Variants in GALNT11 observed in about 807,000 individuals in gnomAD.
The protein encoded by GALNT11 is UDP-GalNAc:polypeptide N-acetylgalactosaminyltransferase 11.
Under a neutral mutation model 72.7 loss-of-function variants are expected in GALNT11, and 47 were observed. The ratio of observed to expected loss-of-function variants is 0.65; its 90% CI spans 0.51 to 0.82. GALNT11 has a LOEUF of 0.82. GALNT11 is among the 40% of genes least tolerant of loss of function. The pLI, the probability that GALNT11 is intolerant of heterozygous loss-of-function variation, is 0.00. For synonymous variants in GALNT11, 270 were observed against 286.6 expected (o/e 0.94, Z 0.58); for missense variants, 677 against 778.4 (o/e 0.87, Z 1.55).
intron 1 of GALNT11, among the ~76,000 whole-genome samples, chr7:152,065,389 G>C (rs955488986): frequency 1.3e-5 from 2 of 152,052 alleles, no homozygotes; most frequent in Admixed American, 6.6e-5. Flanking sequence ...CGATGCATTC[G>C]AACTTCCTCC....
At chr7:152,105,431 G>A (rs562634096) in intron 5 of GALNT11, 61 bp downstream of exon 5, 37 of 1,567,412 alleles carry the variant, frequency 2.4e-5, no homozygotes, top group Middle Eastern at 3.4e-4. Context: ...GAGCCTCAGC[G>A]CCTGTCCTGA....
At chr7:152,065,928 T>C (rs2084281869) in intron 1 of GALNT11, among the ~76,000 whole-genome samples, 1 of 152,206 alleles carries the variant, frequency 6.6e-6, no homozygotes, top group Non-Finnish European at 1.5e-5. Context: ...TTCTCAGATC[T>C]TAAACTCTGT....
intron 10 of GALNT11, chr7:152,119,418 AGTG>A (rs1246690530): frequency 6.6e-6 from 1 of 150,788 alleles, no homozygotes; most frequent in Non-Finnish European, 1.5e-5. Flanking sequence ...TTTCTATTTT[AGTG>A]GTGGGTTGGT....
At chr7:152,027,970 C>T (rs1487628800) in intron 1 of GALNT11, among the ~76,000 whole-genome samples, 2 of 152,086 alleles carry the variant, frequency 1.3e-5, no homozygotes, top group Non-Finnish European at 2.9e-5. Context: ...TGTTACAGGT[C>T]TTAAAGGTGG....
intron 1 of GALNT11, among the ~76,000 whole-genome samples, chr7:152,060,624 C>T (rs1008783867): frequency 6.6e-6 from 1 of 151,890 alleles, no homozygotes; most frequent in South Asian, 2.1e-4. Flanking sequence ...ATCCCTCCCC[C>T]CCCTCCACCC....
At chr7:152,107,888 T>C (rs1587419686) in intron 5 of GALNT11, 150 bp from the exon 6 acceptor site, 2 of 806,312 alleles carry the variant, frequency 2.5e-6, no homozygotes, top group South Asian at 3.5e-5. Context: ...CCACCGGCAG[T>C]GAAGTGTAGT....
intron 8 of GALNT11, among the ~76,000 whole-genome samples, chr7:152,116,145 C>T (rs1367348615): frequency 6.6e-6 from 1 of 152,178 alleles, no homozygotes; most frequent in African/African-American, 2.4e-5. Context: ...TAGAACAGTA[C>T]AATCCAGTGG....
chr7:152,025,822 C>T lies in GALNT11; in HGVS notation c.-101C>T, dbSNP rs945582912. On this transcript the variant is annotated 5_prime_UTR_variant, in exon 1 of 12. Transcript: ENST00000430044. ...CCTGCGGGTCGGACTGGGGCTGTGGCGGGAGAGAAGATGCCGCAGCCCGAG... is the reference window on the plus strand; with the variant it reads ...CCTGCGGGTCGGACTGGGGCTGTGGTGGGAGAGAAGATGCCGCAGCCCGAG... The T allele has an allele frequency of 3.8e-4, 104 of 274,256 alleles. No homozygotes were observed. Among genetic ancestry groups the T allele is most frequent in the Non-Finnish European group, 6.9e-4 (88 of 126,708 alleles). 17.0% of individuals were successfully genotyped at this position (274,256 alleles called of 1,614,324 possible).
intron 1 of GALNT11, among the ~76,000 whole-genome samples, chr7:152,072,314 C>CAAAA (rs754741694): frequency 1.6e-5 from 1 of 62,268 alleles, no homozygotes; most frequent in African/African-American, 5.2e-5. Flanking sequence ...GACTCCGTCT[C>CAAAA]AAAAAAAAAA....
chr7:152,104,916 T>G (rs1024128959), intron 4 of GALNT11: 43 of 162,504 alleles, frequency 2.6e-4, no homozygotes, highest in Admixed American at 1.9e-4. Context: ...CAATGTGATT[T>G]ATATATGGTC....
intron 1 of GALNT11, among the ~76,000 whole-genome samples, chr7:152,083,251 A>G (rs2085424041): frequency 6.6e-6 from 1 of 152,112 alleles, no homozygotes; most frequent in Admixed American, 6.6e-5. Context: ...GCCCAATCCC[A>G]GATAATAGAG....
At position 152,094,367 on chromosome 7, in the gene GALNT11, C is replaced by T; in HGVS notation, c.140C>T (p.Pro47Leu). 1 of 1,614,048 alleles carries T rather than the reference C, an allele frequency of 6.2e-7. No homozygotes were observed. The highest frequency in any genetic ancestry group is 2.2e-5 in the East Asian group (1 of 44,872). Residue 47 changes from proline to leucine, a missense_variant, in exon 2 of 12, where the codon CCC (proline) becomes CTC (leucine). Transcript: ENST00000430044. The surrounding 1 kb of genome is among the most constrained non-coding windows in gnomAD (Gnocchi z 4.3). ...LKNVPVKGSGPHGPSPKKFYP... is the reference protein window; with the variant it reads ...LKNVPVKGSGLHGPSPKKFYP... ...AATGTGCCCGTCAAGGGGTCTGGGC[C>T]CCACGGACCATCTCCAAAAAAATTC...
intron 1 of GALNT11, among the ~76,000 whole-genome samples, chr7:152,029,232 T>C (rs1017532079): frequency 1.7e-4 from 26 of 152,212 alleles, no homozygotes; most frequent in Admixed American, 1.6e-3. Flanking sequence ...AGAGTCTATT[T>C]GGAATTGTAG....
intron 9 of GALNT11, 138 bp from the exon 10 acceptor site, chr7:152,118,540 A>G: frequency 1.5e-6 from 1 of 686,452 alleles, no homozygotes; most frequent in Non-Finnish European, 2.4e-6. Flanking sequence ...CTTAGGAATT[A>G]AAAATGCATA....
chr7:152,038,944 T>C (rs2082717134), intron 1 of GALNT11, among the ~76,000 whole-genome samples: 1 of 152,216 alleles, frequency 6.6e-6, no homozygotes, highest in Non-Finnish European at 1.5e-5. Context: ...TTTTTATTCT[T>C]TCCTAAATTT....
intron 1 of GALNT11, among the ~76,000 whole-genome samples, chr7:152,032,293 G>C (rs2082339580): frequency 6.6e-6 from 1 of 152,168 alleles, no homozygotes; most frequent in Admixed American, 6.5e-5. Flanking sequence ...TGTGGTCTGT[G>C]GGATCCTCAA....
chr7:152,100,284 G>T (rs1156339459), intron 2 of GALNT11, among the ~76,000 whole-genome samples: 1 of 151,776 alleles, frequency 6.6e-6, no homozygotes, highest in Non-Finnish European at 1.5e-5. Context: ...ATTATGGTTT[G>T]TGGCCGGGCG....
intron 1 of GALNT11, among the ~76,000 whole-genome samples, chr7:152,040,267 A>G (rs2082791708): frequency 6.6e-6 from 1 of 152,024 alleles, no homozygotes; most frequent in Non-Finnish European, 1.5e-5. Flanking sequence ...GTGTCCACAC[A>G]TACATGTACA....
intron 1 of GALNT11, among the ~76,000 whole-genome samples, chr7:152,079,832 T>C (rs949218187): frequency 1.3e-5 from 2 of 152,240 alleles, no homozygotes; most frequent in African/African-American, 4.8e-5. Context: ...CTCACATGAC[T>C]ACAGCTGAGT....
Sources: allele counts gnomAD v4.1 joint callset (sites outside exome capture counted in the v4.1 genomes callset), GRCh38; gene constraint gnomAD v4.1.1; non-coding constraint Gnocchi (gnomAD v3.1); transcripts MANE v1.5; gene names NCBI Gene and HGNC (gene_info 2026-07-23, HGNC 2026-07-21).